ARHGAP44: variants seen among roughly 807,000 people sequenced by gnomAD.
ARHGAP44 encodes Rho GTPase activating protein 44, also known as rho GTPase-activating protein 44.
A neutral mutation model predicts 106.8 loss-of-function variants in ARHGAP44; 43 were observed. That is an observed-to-expected ratio of 0.40 (90% CI 0.32 to 0.52). The LOEUF (loss-of-function observed/expected upper bound fraction) is 0.52, where lower values mean the gene tolerates loss of function less well. Ranked by LOEUF, ARHGAP44 falls within the 20% of genes least tolerant of loss-of-function variation. ARHGAP44 has a pLI of 0.48. For synonymous variants in ARHGAP44, 439 were observed against 410.3 expected, an observed-to-expected ratio of 1.07 and a Z score of -0.85; for missense variants, 866 against 1,050.5, an observed-to-expected ratio of 0.82 and a Z score of 2.43.
intron 10 of ARHGAP44, among the ~76,000 whole-genome samples, chr17:12,945,917 A>G (rs2038838921): frequency 6.6e-6 from 1 of 152,000 alleles, no homozygotes. Context: ...CTCCCAAGTA[A>G]CTGGGATTAC....
chr17:12,966,263 T>G (rs573498728), intron 16 of ARHGAP44, among the ~76,000 whole-genome samples: 77 of 152,210 alleles, frequency 5.1e-4, no homozygotes, highest in Non-Finnish European at 8.8e-4. Flanking sequence ...CTAGAAAGTC[T>G]TCTGCGTATG....
intron 1 of ARHGAP44, among the ~76,000 whole-genome samples, chr17:12,806,612 T>A (rs1384264713): frequency 6.6e-6 from 1 of 152,172 alleles, no homozygotes; most frequent in Non-Finnish European, 1.5e-5. Flanking sequence ...CATCTCCCCA[T>A]AGTTTTTGGT....
chr17:12,974,277 G>A lies in ARHGAP44; in HGVS notation c.1730G>A (p.Gly577Asp). 1 of 1,483,586 alleles carries A rather than the reference G, an allele frequency of 6.7e-7. No individual in the cohort carries two copies. The highest frequency in any genetic ancestry group is 8.9e-7 in the Non-Finnish European group (1 of 1,122,232). The allele number at this position is 1,483,586 out of a possible 1,614,324, so 91.9% of individuals were successfully genotyped here. Residue 577 changes from glycine to aspartate, a missense_variant, in exon 18 of 21, where the codon GGC becomes GAC. Coordinates refer to ENST00000379672, the MANE Select transcript of ARHGAP44 (RefSeq NM_014859.6). ...SPAAPALSPS[G>D]LGLQPGPERT... ...GCGGCCCCCGCGCTCTCTCCATCCG[G>A]CCTGGGCCTCCAGCCTGGGCCCGAG...
At chr17:12,875,721 A>T (rs1011658200) in intron 1 of ARHGAP44, among the ~76,000 whole-genome samples, 3 of 152,232 alleles carry the variant, frequency 2.0e-5, no homozygotes, top group Non-Finnish European at 4.4e-5. Context: ...AGGCAGGTGG[A>T]TCACCTGAGG....
At chr17:12,864,056 C>A (rs942612795) in intron 1 of ARHGAP44, among the ~76,000 whole-genome samples, 1 of 152,102 alleles carries the variant, frequency 6.6e-6, no homozygotes, top group Non-Finnish European at 1.5e-5. Context: ...TGTCACCTAC[C>A]CTGGGATGTC....
intron 16 of ARHGAP44, among the ~76,000 whole-genome samples, chr17:12,962,262 C>T (rs2039281276): frequency 6.6e-6 from 1 of 152,080 alleles, no homozygotes; most frequent in South Asian, 2.1e-4. Context: ...TCTTACTTCC[C>T]TCGCGACTCT....
chr17:12,822,803 A>C (rs949342255), intron 1 of ARHGAP44, among the ~76,000 whole-genome samples: 5 of 152,104 alleles, frequency 3.3e-5, no homozygotes, highest in African/African-American at 1.2e-4. Flanking sequence ...GGCTGGACTT[A>C]GGTAATTCAG....
chr17:12,881,667 A>G (rs1477719261), intron 1 of ARHGAP44, among the ~76,000 whole-genome samples: 2 of 152,054 alleles, frequency 1.3e-5, no homozygotes, highest in Non-Finnish European at 2.9e-5. Context: ...GCATTTCCAT[A>G]CAAATTTTAT....
chr17:12,803,499 A>G (rs2034183282), intron 1 of ARHGAP44, among the ~76,000 whole-genome samples: 1 of 151,896 alleles, frequency 6.6e-6, no homozygotes, highest in Non-Finnish European at 1.5e-5. Flanking sequence ...TTTTTAATTT[A>G]TTTAAACTTG....
intron 19 of ARHGAP44, 88 bp from the exon 20 acceptor site, chr17:12,984,443 G>C: frequency 7.0e-7 from 1 of 1,428,122 alleles, no homozygotes; most frequent in Non-Finnish European, 9.2e-7. Flanking sequence ...GGACAGCTTT[G>C]AACGCTGAAG....
chr17:12,930,517 C>T (rs1371571731), intron 7 of ARHGAP44, among the ~76,000 whole-genome samples: 1 of 152,258 alleles, frequency 6.6e-6, no homozygotes, highest in Admixed American at 6.5e-5. Context: ...GGATTACAGG[C>T]GTGAGCCACC....
In ARHGAP44 at chr17:12,990,038, T is replaced by C. The variant is rs1454568061; in HGVS notation, c.2324T>C (p.Val775Ala). 1 of 1,602,174 alleles carries C rather than the reference T, an allele frequency of 6.2e-7. No homozygotes were observed. The highest frequency in any genetic ancestry group is 1.3e-5 in the African/African-American group (1 of 74,736). The change falls in exon 21 of 21, where the codon GTC becomes GCC. Residue 775 changes from valine (V) to alanine (A), a missense_variant. Coordinates refer to ENST00000379672, the MANE Select transcript of ARHGAP44 (RefSeq NM_014859.6). ...SPGESMSTDL[V>A]HFDIPSIHIE... ...TCTCTCTGCCGCCTTCCAGATCTTGTCCACTTTGATATTCCCTCGATCCAC... is the reference window on the plus strand; with the variant it reads ...TCTCTCTGCCGCCTTCCAGATCTTGCCCACTTTGATATTCCCTCGATCCAC...
chr17:12,919,648 AG>A, intron 5 of ARHGAP44, 106 bp from the exon 6 acceptor site: 1 of 886,110 alleles, frequency 1.1e-6, no homozygotes, highest in South Asian at 1.8e-5. Context: ...GGCCTCCCAA[AG>A]TGCTGGGATT....
intron 1 of ARHGAP44, among the ~76,000 whole-genome samples, chr17:12,849,979 G>T (rs1452728961): frequency 6.6e-6 from 1 of 152,090 alleles, no homozygotes; most frequent in Non-Finnish European, 1.5e-5. Flanking sequence ...GCCCATAAAA[G>T]AGCATTCAGA....
Position 12,963,609 on chromosome 17 carries a change from G to T in ARHGAP44, c.1523+4712G>T, listed in dbSNP as rs561871526. Among the ~76,000 whole-genome samples, 5 of 152,030 alleles carry T rather than the reference G, an allele frequency of 3.3e-5. 1 individual carries two copies. Among genetic ancestry groups the T allele is most frequent in the Non-Finnish European group, 7.4e-5 (5 of 67,968 alleles). On this transcript the variant is annotated intron_variant, in intron 16 of 20. Transcript: ENST00000379672. ...GGCCGGCCTTGCACCAATGCTGTGT[G>T]TGCAGACAGGCTGGCTTTGCACCAA...
In ARHGAP44 at chr17:12,838,161, A is replaced by G. The variant is rs573152006; in HGVS notation, c.53+48270A>G. Among the ~76,000 whole-genome samples the G allele has an allele frequency of 8.5e-5, 13 of 152,348 alleles. No homozygotes were observed. The East Asian group carries it at 2.3e-3, about 27-fold the overall frequency. The stretch of plus-strand genomic sequence containing the variant: ...CATTTTATACATCTTATTTAAGAGT[A>G]ATTGCTAACACTATCCTTGTCACTA... On this transcript the variant is annotated intron_variant, in intron 1 of 20. Coordinates refer to ENST00000379672, the MANE Select transcript of ARHGAP44 (RefSeq NM_014859.6).
intron 18 of ARHGAP44, 57 bp downstream of exon 18, chr17:12,974,367 G>T (rs1337624107): frequency 7.6e-7 from 1 of 1,319,692 alleles, no homozygotes; most frequent in Non-Finnish European, 9.7e-7. Context: ...GGGGTGTCTG[G>T]GTTGGCCGCA....
intron 3 of ARHGAP44, among the ~76,000 whole-genome samples, chr17:12,905,212 AT>A (rs1204772620): frequency 2.0e-5 from 3 of 152,052 alleles, no homozygotes; most frequent in Non-Finnish European, 4.4e-5. Context: ...TTTTCCTATA[AT>A]AGATATGATA....
intron 1 of ARHGAP44, among the ~76,000 whole-genome samples, chr17:12,802,975 T>A (rs1359008920): frequency 1.7e-4 from 17 of 98,910 alleles, no homozygotes; most frequent in Admixed American, 3.1e-4. Flanking sequence ...ATATATTTTT[T>A]TTTTTTTTTT....
Sources: gnomAD v4.1 joint callset for allele counts (sites outside exome capture counted in the v4.1 genomes callset) on GRCh38, gnomAD v4.1.1 for gene constraint, MANE v1.5 for transcripts, NCBI Gene and HGNC (gene_info 2026-07-23, HGNC 2026-07-21) for gene names.